Variants in SCNM1 observed in about 807,000 individuals in gnomAD.
SCNM1 encodes the protein sodium channel modifier 1.
SCNM1 carries 24 observed loss-of-function variants against 32.8 expected under a neutral mutation model. That is an observed-to-expected ratio of 0.73 (90% CI 0.53 to 1.03). The LOEUF (loss-of-function observed/expected upper bound fraction) is 1.03, where lower values mean the gene tolerates loss of function less well. Ranked by LOEUF, SCNM1 falls within the 50% of genes least tolerant of loss-of-function variation. The pLI is 0.00. For missense variants in SCNM1, 274 were observed against 282.3 expected, an observed-to-expected ratio of 0.97 and a Z score of 0.21; for synonymous variants, 99 against 103.2, an observed-to-expected ratio of 0.96 and a Z score of 0.25.
chr1:151,168,187 C>T lies in SCNM1; in HGVS notation c.442C>T (p.Pro148Ser). 1.2e-6 allele frequency: 2 copies of T among 1,614,164 alleles called. No individual in the cohort carries two copies. Among genetic ancestry groups the T allele is most frequent in the Non-Finnish European group, 1.7e-6 (2 of 1,180,022 alleles). The change falls in exon 6 of 7, where the codon CCC becomes TCC. Residue 148 changes from proline to serine, a missense_variant. Transcript: ENST00000368905. ...GPSVSLSPMP[P>S]SEVKLQSGKI... is the part of the protein sequence containing the mutation. Reference sequence around the variant, plus strand: ...CTCTGTCTCCCTTTCCCCTATGCCACCCTCAGAGGTCAAACTCCAAAGTGG... The same window carrying T: ...CTCTGTCTCCCTTTCCCCTATGCCATCCTCAGAGGTCAAACTCCAAAGTGG...
rs587612885 is a variant in SCNM1 at position 151,170,075 on chromosome 1, G to A, written c.*990G>A. ...CCAGCGCTAGTTGGTAAAGGGAAAT[G>A]CAGTGTTATCTCTTCTTTTGCTGGC... is the stretch of plus-strand genomic sequence containing the variant. On this transcript the variant is annotated 3_prime_UTR_variant, in exon 7 of 7. Coordinates refer to ENST00000368905, the MANE Select transcript of SCNM1 (RefSeq NM_024041.4). 3.1e-6 allele frequency: 5 copies of A among 1,614,112 alleles called. No individual in the cohort carries two copies. The highest frequency in any genetic ancestry group is 2.7e-5 in the African/African-American group (2 of 75,046).
intron 5 of SCNM1, 137 bp from the exon 6 acceptor site, chr1:151,168,007 T>C (rs1683788759): frequency 9.9e-7 from 1 of 1,010,682 alleles, no homozygotes; most frequent in Non-Finnish European, 1.4e-6. Context: ...AATTCATGAT[T>C]CTGAAATCCT....
chr1:151,169,139 C>G lies in SCNM1; in HGVS notation c.*54C>G. The G allele has an allele frequency of 1.9e-6, 3 of 1,596,196 alleles. No individual in the cohort carries two copies. The highest frequency in any genetic ancestry group is 2.6e-6 in the Non-Finnish European group (3 of 1,165,450). On this transcript the variant is annotated 3_prime_UTR_variant, in exon 7 of 7. Transcript: ENST00000368905. ...ATTACAATGGGTGCTGAGAACTTAA[C>G]TTTCCTTAAGTCTGGTTCCTTGTTG...
rs587768722 is a variant in SCNM1 at position 151,168,245 on chromosome 1, G to T, written c.500G>T (p.Gly167Val). 3.7e-5 allele frequency: 59 copies of T among 1,614,116 alleles called. No individual in the cohort carries two copies. The South Asian group carries it at 5.9e-4, about 16-fold the overall frequency. Residue 167 changes from glycine (G) to valine (V), a missense_variant, in exon 6 of 7, where the codon GGC becomes GTC. Coordinates refer to ENST00000368905, the MANE Select transcript of SCNM1 (RefSeq NM_024041.4). The part of the protein sequence containing the change: ...KISREPEPAA[G>V]PQAEESATVS... ...AGTAGGGAACCTGAACCTGCGGCTG[G>T]CCCACAGGCCGAGGAGTCAGCAACT... is the stretch of plus-strand genomic sequence containing the variant.
At position 151,169,124 on chromosome 1, in the gene SCNM1, GTGCTGAGAACTTA is replaced by G; in HGVS notation, c.*40_*52del. On this transcript the variant is annotated 3_prime_UTR_variant, in exon 7 of 7. Transcript: ENST00000368905. ...TTCATTCACAAATAAATTACAATGG[GTGCTGAGAACTTA>G]ACTTTCCTTAAGTCTGGTTCCTTGT... The G allele has an allele frequency of 6.2e-7, 1 of 1,611,566 alleles. No individual in the cohort carries two copies. The highest frequency in any genetic ancestry group is 2.2e-5 in the East Asian group (1 of 44,846).
At position 151,170,194 on chromosome 1, in the gene SCNM1, T is replaced by G; in HGVS notation, c.*1109T>G. 1 of 1,511,250 alleles carries G rather than the reference T, an allele frequency of 6.6e-7. No homozygotes were observed. The highest frequency in any genetic ancestry group is 9.2e-7 in the Non-Finnish European group (1 of 1,089,812). 93.6% of individuals were successfully genotyped at this position (1,511,250 alleles called of 1,614,324 possible). ...CTCCTTTCCAGTCCCTTAGCCAAAC[T>G]CATAAATTGGTAGTGTCTTAGGCCA... On this transcript the variant is annotated 3_prime_UTR_variant, in exon 7 of 7. Coordinates refer to ENST00000368905, the MANE Select transcript of SCNM1 (RefSeq NM_024041.4).
chr1:151,168,878 T>A (rs1683844552), intron 6 of SCNM1, 108 bp from the exon 7 acceptor site: 3 of 1,033,234 alleles, frequency 2.9e-6, no homozygotes, highest in Non-Finnish European at 4.1e-6. Flanking sequence ...CCTCAAGTGA[T>A]CCACCTGCCT....
chr1:151,168,364 A>C (rs1683806337), intron 6 of SCNM1, 26 bp downstream of exon 6: 2 of 1,547,312 alleles, frequency 1.3e-6, no homozygotes, highest in East Asian at 4.6e-5. Context: ...CAGTTTCCTC[A>C]GATTTTCTTT....
intron 1 of SCNM1, 112 bp downstream of exon 1, chr1:151,166,315 C>A: frequency 2.0e-6 from 3 of 1,535,294 alleles, no homozygotes; most frequent in East Asian, 2.4e-5. Context: ...GAGAACCAGG[C>A]GACTTAGAGC....
chr1:151,167,297 T>A, intron 4 of SCNM1, 29 bp from the exon 5 acceptor site: 1 of 1,614,020 alleles, frequency 6.2e-7, no homozygotes, highest in Non-Finnish European at 8.5e-7. Context: ...GGCTGAAGGC[T>A]CTGACTCTGT....
At chr1:151,166,564 G>T (rs771303881) in intron 2 of SCNM1, 23 bp downstream of exon 2, 1 of 1,612,874 alleles carries the variant, frequency 6.2e-7, no homozygotes, top group South Asian at 1.1e-5. Context: ...AGTGGCTCAA[G>T]CCTGAGGGTT....
chr1:151,166,164 G>A lies in SCNM1; in HGVS notation c.12G>A (p.Lys4=), dbSNP rs749078327. The A allele has an allele frequency of 2.5e-6, 4 of 1,606,630 alleles. No individual in the cohort carries two copies. The highest frequency in any genetic ancestry group is 3.4e-6 in the Non-Finnish European group (4 of 1,176,058). ...GACTCACAGTCGTGATGTCTTTCAA[G>A]AGGGAAGGAGACGATTGGAGTCAAC... MSF[K]REGDDWSQLN... is the part of the protein sequence containing the mutation. The change falls in exon 1 of 7, where the codon AAG becomes AAA. Residue 4 remains lysine, a synonymous_variant. Transcript: ENST00000368905.
Position 151,168,775 on chromosome 1 carries a change from T to C in SCNM1, c.594-211T>C, listed in dbSNP as rs587661222. ...CACCCAACTTACATGGCTCTCAATT[T>C]TTTCTCACTGCTAACTTTTTTTTTT... On this transcript the variant is annotated intron_variant, in intron 6 of 6. Transcript: ENST00000368905. 3.9e-4 allele frequency among the ~76,000 whole-genome samples: 59 copies of C among 151,164 alleles called. 2 individuals carry two copies. The highest frequency in any genetic ancestry group is 2.7e-3 in the South Asian group (13 of 4,806).
rs1683901937 is a variant in SCNM1, at chr1:151,170,136, G to A, written c.*1051G>A. 1 of 1,613,840 alleles carries A rather than the reference G, an allele frequency of 6.2e-7. No individual in the cohort carries two copies. On this transcript the variant is annotated 3_prime_UTR_variant, in exon 7 of 7. Coordinates refer to ENST00000368905, the MANE Select transcript of SCNM1 (RefSeq NM_024041.4). ...GGAGCAATATTAAACATAAGTGTTT[G>A]TTCCAGCTCCTGCTTTCTGCAAAGG... is the stretch of plus-strand genomic sequence containing the variant.
In SCNM1 at chr1:151,170,017, G is replaced by C; in HGVS notation, c.*932G>C. On this transcript the variant is annotated 3_prime_UTR_variant, in exon 7 of 7. Coordinates refer to ENST00000368905, the MANE Select transcript of SCNM1 (RefSeq NM_024041.4). ...AGAAGGGCTTTTATTTACAGGAAAG[G>C]AGGACAGATGAGGATTTAAGTGTCC... 5.7e-6 allele frequency: 9 copies of C among 1,581,998 alleles called. No individual in the cohort carries two copies. The highest frequency in any genetic ancestry group is 6.9e-6 in the Non-Finnish European group (8 of 1,151,268).
rs774271174 is a variant in SCNM1, at chr1:151,170,009, C to T, written c.*924C>T. 5 of 1,576,344 alleles carry T rather than the reference C, an allele frequency of 3.2e-6. No homozygotes were observed. The East Asian group carries it at 1.1e-4, about 35-fold the overall frequency. ...AAATGGATAGAAGGGCTTTTATTTA[C>T]AGGAAAGGAGGACAGATGAGGATTT... On this transcript the variant is annotated 3_prime_UTR_variant, in exon 7 of 7. Transcript: ENST00000368905.
chr1:151,167,256 C>G (rs932174648), intron 4 of SCNM1, 38 bp downstream of exon 4: 4 of 1,614,110 alleles, frequency 2.5e-6, no homozygotes, highest in Admixed American at 3.3e-5. Flanking sequence ...AGGCAAGACC[C>G]TGCTGCACAC....
rs766963990 is a variant in SCNM1 at position 151,169,130 on chromosome 1, A to G, written c.*45A>G. On this transcript the variant is annotated 3_prime_UTR_variant, in exon 7 of 7. Coordinates refer to ENST00000368905, the MANE Select transcript of SCNM1 (RefSeq NM_024041.4). ...CACAAATAAATTACAATGGGTGCTG[A>G]GAACTTAACTTTCCTTAAGTCTGGT... The G allele has an allele frequency of 1.2e-6, 2 of 1,609,184 alleles. No individual in the cohort carries two copies. Among genetic ancestry groups the G allele is most frequent in the Non-Finnish European group, 1.7e-6 (2 of 1,176,008 alleles).
chr1:151,168,761 C>G (rs1173793462), intron 6 of SCNM1, among the ~76,000 whole-genome samples: 3 of 140,524 alleles, frequency 2.1e-5, no homozygotes, highest in Admixed American at 7.2e-5. Context: ...ACCCAACTTA[C>G]ATGGCTCTCA....
Sources: gnomAD v4.1 joint callset for allele counts (sites outside exome capture counted in the v4.1 genomes callset) on GRCh38, gnomAD v4.1.1 for gene constraint, MANE v1.5 for transcripts, NCBI Gene and HGNC (gene_info 2026-07-23, HGNC 2026-07-21) for gene names.